CADM1: variants seen among roughly 807,000 people sequenced by gnomAD.
The protein encoded by CADM1 is TSLC-1.
A neutral mutation model predicts 53.1 loss-of-function variants in CADM1; 15 were observed. That is an observed-to-expected ratio of 0.28 (90% CI 0.19 to 0.44). The LOEUF is 0.44. Among genes scored for constraint, CADM1 ranks in the 20% least tolerant of loss-of-function variants. The pLI is 1.00. For synonymous variants in CADM1, 281 were observed against 243.0 expected (o/e 1.16, Z -1.45); for missense variants, 434 against 611.3 (o/e 0.71, Z 3.06).
Position 115,175,247 on chromosome 11 carries a change from T to C in CADM1, c.*1227A>G, listed in dbSNP as rs1447088627. 4.1e-6 allele frequency: 4 copies of C among 985,692 alleles called. No homozygotes were observed. The East Asian group carries it at 4.5e-4, about 112-fold the overall frequency. The allele number at this position is 985,692 out of a possible 1,614,324, so 61.1% of individuals were successfully genotyped here. A position where few individuals can be genotyped will look rare whatever the true frequency, so the allele number is the denominator to read the frequency against. ...AGCCCTTCTTTTGTACCTCCTGCCTTTGTCAAGCCAAATCTGAAGGAATGA... is the reference window on the plus strand; with the variant it reads ...AGCCCTTCTTTTGTACCTCCTGCCTCTGTCAAGCCAAATCTGAAGGAATGA... On this transcript the variant is annotated 3_prime_UTR_variant, in exon 12 of 12. Coordinates refer to ENST00000331581, the MANE Select transcript of CADM1 (RefSeq NM_001301043.2).
chr11:115,304,026 A>C (rs1944301021), intron 1 of CADM1, among the ~76,000 whole-genome samples: 1 of 152,054 alleles, frequency 6.6e-6, no homozygotes, highest in Non-Finnish European at 1.5e-5. Flanking sequence ...CAAGAGATGA[A>C]AACTGTTGGC....
chr11:115,389,057 G>A (rs556322380), intron 1 of CADM1, among the ~76,000 whole-genome samples: 3 of 152,176 alleles, frequency 2.0e-5, no homozygotes, highest in African/African-American at 7.2e-5. Context: ...AAAAGACATG[G>A]TGGATGCAAC....
chr11:115,453,983 C>T (rs1948631526), intron 1 of CADM1, among the ~76,000 whole-genome samples: 1 of 151,526 alleles, frequency 6.6e-6, no homozygotes, highest in South Asian at 2.1e-4. Flanking sequence ...TATGCCTTAT[C>T]ATTTGACATG....
chr11:115,401,034 C>A (rs1328202374), intron 1 of CADM1, among the ~76,000 whole-genome samples: 2 of 152,080 alleles, frequency 1.3e-5, no homozygotes, highest in African/African-American at 4.8e-5. Flanking sequence ...CACACAAAAA[C>A]CCGCACGCAG....
At chr11:115,256,920 T>C (rs1250715478) in intron 1 of CADM1, 14 of 455,802 alleles carry the variant, frequency 3.1e-5, no homozygotes, top group Non-Finnish European at 6.2e-5. Context: ...TCAGAGAGAA[T>C]AACATTCTGA....
In CADM1 at chr11:115,504,415, T is replaced by C; in HGVS notation, c.-21A>G. On this transcript the variant is annotated 5_prime_UTR_variant, in exon 1 of 12. Coordinates refer to ENST00000331581, the MANE Select transcript of CADM1 (RefSeq NM_001301043.2). ...GCCATGTCGGGCACCTGCCTCAGAC[T>C]GGCGGCGTTGGCTGCCTCCGGAGCC... 6.5e-7 allele frequency: 1 copy of C among 1,541,652 alleles called. No individual in the cohort carries two copies. The highest frequency in any genetic ancestry group is 8.7e-7 in the Non-Finnish European group (1 of 1,145,290).
At chr11:115,336,306 C>T (rs542344505) in intron 1 of CADM1, among the ~76,000 whole-genome samples, 2 of 152,132 alleles carry the variant, frequency 1.3e-5, no homozygotes, top group African/African-American at 4.8e-5. Context: ...AAGGCAATTA[C>T]GTCTTAGTAT....
intron 1 of CADM1, among the ~76,000 whole-genome samples, chr11:115,381,981 A>G (rs1252509965): frequency 6.6e-6 from 1 of 152,022 alleles, no homozygotes; most frequent in Non-Finnish European, 1.5e-5. Flanking sequence ...AGTTGCTAGG[A>G]CCACAGGTGC....
chr11:115,329,422 A>T (rs2135211455), intron 1 of CADM1, among the ~76,000 whole-genome samples: 1 of 152,192 alleles, frequency 6.6e-6, no homozygotes, highest in South Asian at 2.1e-4. Flanking sequence ...TATCACTATG[A>T]AACGGGAGAG....
rs77194866 is a variant in CADM1, at chr11:115,319,866, T to C, written c.125-79446A>G. Among the ~76,000 whole-genome samples the C allele has an allele frequency of 5.6e-3, 860 of 152,314 alleles. 10 individuals carry two copies. Among genetic ancestry groups the C allele is most frequent in the African/African-American group, 0.019 (794 of 41,568 alleles). ...TGAAGAATTAACATCTTACCAATTT[T>C]AGAGAACTAAAATAAATAATCCTAA... On this transcript the variant is annotated intron_variant, in intron 1 of 11. Coordinates refer to ENST00000331581, the MANE Select transcript of CADM1 (RefSeq NM_001301043.2).
chr11:115,221,499 A>G (rs546362224), intron 5 of CADM1, among the ~76,000 whole-genome samples: 2 of 152,318 alleles, frequency 1.3e-5, no homozygotes, highest in South Asian at 4.1e-4. Context: ...CTTTAAATGT[A>G]CTTTGCTCTC....
intron 1 of CADM1, among the ~76,000 whole-genome samples, chr11:115,359,259 G>A (rs1266608160): frequency 1.3e-5 from 2 of 152,158 alleles, no homozygotes; most frequent in African/African-American, 4.8e-5. Flanking sequence ...AATCCACGTA[G>A]AGGGAAAGGA....
At position 115,320,004 on chromosome 11, in the gene CADM1, T is replaced by C. The variant is rs987573971; in HGVS notation, c.125-79584A>G. ...CAAAAAAATCGGCAAGTTACCTATA[T>C]GCTGAGTAAACGGGAAACAATCTAG... On this transcript the variant is annotated intron_variant, in intron 1 of 11. Coordinates refer to ENST00000331581, the MANE Select transcript of CADM1 (RefSeq NM_001301043.2). 2.6e-5 allele frequency among the ~76,000 whole-genome samples: 4 copies of C among 152,212 alleles called. No individual in the cohort carries two copies. The East Asian group carries it at 5.8e-4, about 22-fold the overall frequency.
intron 1 of CADM1, among the ~76,000 whole-genome samples, chr11:115,478,882 T>G (rs1949196729): frequency 6.6e-6 from 1 of 152,150 alleles, no homozygotes; most frequent in Non-Finnish European, 1.5e-5. Context: ...CTACCAAGTA[T>G]TCCATTGTAT....
intron 1 of CADM1, among the ~76,000 whole-genome samples, chr11:115,331,721 A>AC (rs138962393): frequency 0.16 from 24,648 of 152,038 alleles, 2,290 homozygotes; most frequent in South Asian, 0.3. Flanking sequence ...CCAAGTCTAT[A>AC]CCTGTAAGGA....
At chr11:115,476,374 G>A (rs961202364) in intron 1 of CADM1, among the ~76,000 whole-genome samples, 1 of 152,126 alleles carries the variant, frequency 6.6e-6, no homozygotes, top group Non-Finnish European at 1.5e-5. Flanking sequence ...ATTTCCATGT[G>A]GTTTGTAACT....
chr11:115,484,711 G>A (rs950106159), intron 1 of CADM1, among the ~76,000 whole-genome samples: 2 of 152,078 alleles, frequency 1.3e-5, no homozygotes, highest in Non-Finnish European at 2.9e-5. Flanking sequence ...ACTTTGGGAG[G>A]CCGAGGCGGG....
intron 1 of CADM1, among the ~76,000 whole-genome samples, chr11:115,409,102 G>C (rs1947390504): frequency 6.6e-6 from 1 of 152,152 alleles, no homozygotes; most frequent in Non-Finnish European, 1.5e-5. Context: ...GATCTAGTGA[G>C]AAGGCATAAA....
chr11:115,260,041 C>T (rs1942924785), intron 1 of CADM1, among the ~76,000 whole-genome samples: 1 of 152,200 alleles, frequency 6.6e-6, no homozygotes, highest in Non-Finnish European at 1.5e-5. Flanking sequence ...ATCCTCCTGC[C>T]TCAGCCTCCT....
Sources: allele counts gnomAD v4.1 joint callset (sites outside exome capture counted in the v4.1 genomes callset), GRCh38; gene constraint gnomAD v4.1.1; transcripts MANE v1.5; gene names NCBI Gene and HGNC (gene_info 2026-07-23, HGNC 2026-07-21).